Variants in CACNA2D3 observed in about 807,000 individuals in gnomAD.
The protein encoded by CACNA2D3 is voltage-dependent calcium channel subunit alpha-2/delta-3.
Under a neutral mutation model 160.6 loss-of-function variants are expected in CACNA2D3, and 60 were observed. That is an observed-to-expected ratio of 0.37 (90% confidence interval 0.30 to 0.46). The LOEUF (loss-of-function observed/expected upper bound fraction) is 0.46, where lower values mean the gene tolerates loss of function less well. Ranked by LOEUF, CACNA2D3 falls within the 20% of genes least tolerant of loss-of-function variation. The probability of loss-of-function intolerance (pLI) is 1.00; values close to 1 mark genes in which losing one functional copy is unlikely to be tolerated. For synonymous variants in CACNA2D3, 558 were observed against 492.9 expected, an observed-to-expected ratio of 1.13 and a Z score of -1.75; for missense variants, 1,205 against 1,365.0, an observed-to-expected ratio of 0.88 and a Z score of 1.85.
At chr3:54,376,689 A>AATC (rs550067576) in intron 3 of CACNA2D3, among the ~76,000 whole-genome samples, 2 of 152,130 alleles carry the variant, frequency 1.3e-5, no homozygotes, top group Admixed American at 6.5e-5. Flanking sequence ...CCACATAATT[A>AATC]ATCATCATCA....
At chr3:54,306,978 T>G (rs1005146377) in intron 2 of CACNA2D3, among the ~76,000 whole-genome samples, 1 of 152,134 alleles carries the variant, frequency 6.6e-6, no homozygotes, top group Non-Finnish European at 1.5e-5. Context: ...CCCCCCGCCC[T>G]GCCGACACAA....
chr3:54,569,863 G>A lies in CACNA2D3; in HGVS notation c.737+8G>A. 1.2e-6 allele frequency: 2 copies of A among 1,610,444 alleles called. No homozygotes were observed. The highest frequency in any genetic ancestry group is 1.3e-5 in the African/African-American group (1 of 75,042). On this transcript the variant is annotated splice_region_variant and intron_variant, in intron 7 of 37. Coordinates refer to ENST00000474759, the MANE Select transcript of CACNA2D3 (RefSeq NM_018398.3). ...CTGCAGGAACCGAAAATGGTAGGCA[G>A]TGGTCAGACCTCTTTGTTATTTCTC...
chr3:54,619,854 G>A (rs1484976319), intron 9 of CACNA2D3, among the ~76,000 whole-genome samples: 1 of 152,170 alleles, frequency 6.6e-6, no homozygotes, highest in African/African-American at 2.4e-5. Flanking sequence ...CAAAGAGGCT[G>A]TAAAAGTCAG....
intron 2 of CACNA2D3, among the ~76,000 whole-genome samples, chr3:54,188,954 T>A (rs1013548814): frequency 6.6e-6 from 1 of 152,196 alleles, no homozygotes; most frequent in African/African-American, 2.4e-5. Context: ...TGACTGACTT[T>A]GACAAGTTGA....
At chr3:54,835,346 G>C (rs75352828) in intron 14 of CACNA2D3, among the ~76,000 whole-genome samples, 2,554 of 152,214 alleles carry the variant, frequency 0.017, 82 homozygotes, top group African/African-American at 0.058. Flanking sequence ...ATATACATAC[G>C]AATCATTAAA....
At chr3:54,710,713 C>T (rs1700937763) in intron 11 of CACNA2D3, among the ~76,000 whole-genome samples, 1 of 152,142 alleles carries the variant, frequency 6.6e-6, no homozygotes, top group South Asian at 2.1e-4. Flanking sequence ...CTCCAAGAGC[C>T]TCTCCCTATA....
At position 54,484,595 on chromosome 3, in the gene CACNA2D3, C is replaced by T. The variant is rs1700985959; in HGVS notation, c.382-18897C>T. Reference sequence around the variant, plus strand: ...GAGTAAATCACCGGGGCAACTGGACCACTGCGATATTAAGTGTGAGAACAT... The same window carrying T: ...GAGTAAATCACCGGGGCAACTGGACTACTGCGATATTAAGTGTGAGAACAT... On this transcript the variant is annotated intron_variant, in intron 4 of 37. Coordinates refer to ENST00000474759, the MANE Select transcript of CACNA2D3 (RefSeq NM_018398.3). 2.6e-5 allele frequency among the ~76,000 whole-genome samples: 4 copies of T among 152,080 alleles called. No individual in the cohort carries two copies. In the South Asian group the frequency reaches 8.3e-4, roughly 31 times the overall value.
In CACNA2D3 at chr3:54,174,620, G is replaced by A. The variant is rs1700638800; in HGVS notation, c.204+51026G>A. Among the ~76,000 whole-genome samples, 3 of 152,264 alleles carry A rather than the reference G, an allele frequency of 2.0e-5. No individual in the cohort carries two copies. In the South Asian group the frequency reaches 6.2e-4, roughly 32 times the overall value. ...GCTCACTGAAAGCTCCGCCTCCCGG[G>A]TTCGCGCCATTCTCCTGCCTCCGTC... is the stretch of plus-strand genomic sequence containing the variant. On this transcript the variant is annotated intron_variant, in intron 2 of 37. Transcript: ENST00000474759.
At chr3:54,657,232 G>C (rs554876281) in intron 11 of CACNA2D3, among the ~76,000 whole-genome samples, 2 of 152,224 alleles carry the variant, frequency 1.3e-5, no homozygotes, top group South Asian at 2.1e-4. Context: ...AGGAACCCGC[G>C]GTCTGGATGT....
At chr3:54,230,366 C>T (rs1701747763) in intron 2 of CACNA2D3, among the ~76,000 whole-genome samples, 1 of 152,172 alleles carries the variant, frequency 6.6e-6, no homozygotes, top group Non-Finnish European at 1.5e-5. Flanking sequence ...TTACCTTACC[C>T]ATATCCAAGA....
In CACNA2D3 at chr3:54,261,072, A is replaced by G. The variant is rs1000892476; in HGVS notation, c.205-59370A>G. Among the ~76,000 whole-genome samples the G allele has an allele frequency of 2.6e-5, 4 of 152,326 alleles. No individual in the cohort carries two copies. In the South Asian group the frequency reaches 8.3e-4, roughly 32 times the overall value. On this transcript the variant is annotated intron_variant, in intron 2 of 37. Transcript: ENST00000474759. ...ATCTTTGACACCTATGTCCTGGCGC[A>G]TAGTAGATGCTCAGTTTTATTTCTA...
Position 54,886,918 on chromosome 3 carries a change from C to T in CACNA2D3, c.2057-1041C>T, listed in dbSNP as rs534512014. 1.8e-3 allele frequency among the ~76,000 whole-genome samples: 250 copies of T among 141,060 alleles called. 1 individual carries two copies. The Middle Eastern group carries it at 0.025, about 14-fold the overall frequency. The allele number at this position is 141,060 out of a possible 152,430, so 92.5% of individuals were successfully genotyped here. A position where few individuals can be genotyped will look rare whatever the true frequency, so the allele number is the denominator to read the frequency against. ...TTACTGATAAGTTATTTCTAGCTTT[C>T]GCTTTTCAGCAAAGCTCTTTTTTTT... On this transcript the variant is annotated intron_variant, in intron 23 of 37. Coordinates refer to ENST00000474759, the MANE Select transcript of CACNA2D3 (RefSeq NM_018398.3).
intron 4 of CACNA2D3, among the ~76,000 whole-genome samples, chr3:54,426,819 G>T (rs1465484813): frequency 2.0e-5 from 3 of 152,064 alleles, no homozygotes; most frequent in Non-Finnish European, 4.4e-5. Flanking sequence ...TGTAACCACA[G>T]TTGGTGGTGA....
chr3:55,050,008 A>C (rs1704155813), intron 35 of CACNA2D3, among the ~76,000 whole-genome samples: 1 of 150,788 alleles, frequency 6.6e-6, no homozygotes, highest in South Asian at 2.1e-4. Context: ...TCTGCACGTG[A>C]GATGGGTTTC....
At chr3:54,499,076 A>G (rs1701247510) in intron 4 of CACNA2D3, among the ~76,000 whole-genome samples, 1 of 152,116 alleles carries the variant, frequency 6.6e-6, no homozygotes. Context: ...TTCAGTTGTT[A>G]GGTATGGAGT....
At chr3:54,563,255 T>C (rs1223918630) in intron 6 of CACNA2D3, among the ~76,000 whole-genome samples, 1 of 152,206 alleles carries the variant, frequency 6.6e-6, no homozygotes. Context: ...TTTGGCCTTA[T>C]TACCAATACT....
chr3:54,911,351 C>CTTGTTTTTTTT (rs1700551690), intron 27 of CACNA2D3, among the ~76,000 whole-genome samples: 1 of 58,586 alleles, frequency 1.7e-5, no homozygotes, highest in African/African-American at 8.8e-5. Context: ...TCTTTGTCGT[C>CTTGTTTTTTTT]TTTTTTTTTT....
chr3:54,905,627 G>T lies in CACNA2D3; in HGVS notation c.2449+5759G>T, dbSNP rs996741008. ...GTAGTTTCCAACCGGGGGTGATTTT[G>T]CCACCAGGGGACATTTGGCACCATC... On this transcript the variant is annotated intron_variant, in intron 27 of 37. Coordinates refer to ENST00000474759, the MANE Select transcript of CACNA2D3 (RefSeq NM_018398.3). 2.6e-5 allele frequency among the ~76,000 whole-genome samples: 4 copies of T among 152,286 alleles called. No homozygotes were observed. The East Asian group carries it at 7.7e-4, about 29-fold the overall frequency.
chr3:54,174,724 A>C (rs543387673), intron 2 of CACNA2D3, among the ~76,000 whole-genome samples: 1 of 152,222 alleles, frequency 6.6e-6, no homozygotes, highest in African/African-American at 2.4e-5. Context: ...ATGGGGTTTC[A>C]CCGTGTTAGC....
Sources: allele counts gnomAD v4.1 joint callset (sites outside exome capture counted in the v4.1 genomes callset), GRCh38; gene constraint gnomAD v4.1.1; transcripts MANE v1.5; gene names NCBI Gene and HGNC (gene_info 2026-07-23, HGNC 2026-07-21).